THADA: variants seen among roughly 807,000 people sequenced by gnomAD.
The protein encoded by THADA is tRNA (32-2'-O)-methyltransferase regulator THADA.
THADA carries 213 observed loss-of-function variants against 219.8 expected under a neutral mutation model. The observed-to-expected ratio is 0.97, with a 90% CI of 0.87 to 1.09. THADA has a LOEUF of 1.09. THADA is among the 50% of genes least tolerant of loss of function. The pLI is 0.00. For missense variants in THADA, 2,956 were observed against 2,311.3 expected (o/e 1.28, Z -5.72); for synonymous variants, 1,018 against 828.9 (o/e 1.23, Z -3.92).
chr2:43,518,435 G>T (rs563153350), intron 22 of THADA, among the ~76,000 whole-genome samples: 1 of 152,200 alleles, frequency 6.6e-6, no homozygotes, highest in South Asian at 2.1e-4. Flanking sequence ...ATTCATACAA[G>T]AATATTTCCT....
At chr2:43,356,760 A>T (rs982808009) in intron 29 of THADA, among the ~76,000 whole-genome samples, 4 of 152,216 alleles carry the variant, frequency 2.6e-5, no homozygotes, top group African/African-American at 9.7e-5. Context: ...GTGAAAAAAT[A>T]AACATAAGTT....
intron 28 of THADA, among the ~76,000 whole-genome samples, chr2:43,412,999 T>C (rs1377394102): frequency 6.6e-6 from 1 of 152,120 alleles, no homozygotes; most frequent in Non-Finnish European, 1.5e-5. Flanking sequence ...ATGAGTTCAA[T>C]ACACACAGGG....
intron 36 of THADA, among the ~76,000 whole-genome samples, chr2:43,248,164 T>TATATATAG (rs1669412946): frequency 3.4e-4 from 14 of 40,938 alleles, no homozygotes; most frequent in South Asian, 1.1e-3. Context: ...TATATATATA[T>TATATATAG]AGAGAGAGAG....
intron 21 of THADA, among the ~76,000 whole-genome samples, chr2:43,537,832 C>G (rs1318572338): frequency 6.6e-6 from 1 of 150,846 alleles, no homozygotes; most frequent in Admixed American, 6.6e-5. Context: ...TAGCACACAC[C>G]TATAGTCCCA....
intron 16 of THADA, among the ~76,000 whole-genome samples, chr2:43,557,342 T>C (rs1035115982): frequency 1.3e-5 from 2 of 152,224 alleles, no homozygotes. Context: ...AGACTATCTT[T>C]ACTATTTCTA....
intron 29 of THADA, among the ~76,000 whole-genome samples, chr2:43,379,504 T>C (rs1291684561): frequency 2.0e-5 from 3 of 152,202 alleles, no homozygotes; most frequent in Non-Finnish European, 4.4e-5. Flanking sequence ...ACTGTAATAC[T>C]ACACACTTAC....
At chr2:43,564,724 C>A (rs1558981399) in intron 15 of THADA, 1 of 152,188 alleles carries the variant, frequency 6.6e-6, no homozygotes, top group Non-Finnish European at 1.5e-5. Context: ...TGGAACAAGC[C>A]AGTATCATCA....
In THADA at chr2:43,544,882, A is replaced by C. The variant is rs1418894225; in HGVS notation, c.3107-3566T>G. ...TACCCTTTATTTCCTTCTCCTGCCTAATTGCCCTGGCCAGAACTTCCAACA... is the reference window on the plus strand; with the variant it reads ...TACCCTTTATTTCCTTCTCCTGCCTCATTGCCCTGGCCAGAACTTCCAACA... On this transcript the variant is annotated intron_variant, in intron 20 of 37. Coordinates refer to ENST00000405975, the MANE Select transcript of THADA (RefSeq NM_022065.5). Among the ~76,000 whole-genome samples the C allele has an allele frequency of 4.0e-5, 6 of 149,296 alleles. No individual in the cohort carries two copies. In the East Asian group the frequency reaches 7.9e-4, roughly 20 times the overall value.
Position 43,556,373 on chromosome 2 carries a change from A to T in THADA, c.2646T>A (p.Ala882=), listed in dbSNP as rs1315588625. The change falls in exon 17 of 38, where the codon GCT becomes GCA. Residue 882 remains alanine (A), a synonymous_variant. Transcript: ENST00000405975. ...QVACDNGDRP[A]AVVERNTLMV... is the part of the protein sequence containing the mutation. ...TTAATGTGTTCCTTTCCACCACAGCAGCAGGCCTATCTCCATTATCACATG... is the reference window on the plus strand; with the variant it reads ...TTAATGTGTTCCTTTCCACCACAGCTGCAGGCCTATCTCCATTATCACATG... The T allele has an allele frequency of 6.2e-7, 1 of 1,613,930 alleles. No homozygotes were observed. The highest frequency in any genetic ancestry group is 8.5e-7 in the Non-Finnish European group (1 of 1,179,830).
At chr2:43,310,484 A>G (rs1435492481) in intron 31 of THADA, among the ~76,000 whole-genome samples, 1 of 152,184 alleles carries the variant, frequency 6.6e-6, no homozygotes, top group African/African-American at 2.4e-5. Flanking sequence ...TGACAATTCA[A>G]TGGGGAAAGG....
At chr2:43,541,982 G>A (rs1180765345) in intron 20 of THADA, among the ~76,000 whole-genome samples, 1 of 151,998 alleles carries the variant, frequency 6.6e-6, no homozygotes. Flanking sequence ...CATTAGTAAA[G>A]GAGTAGAATA....
At chr2:43,350,103 G>A (rs375707878) in intron 29 of THADA, among the ~76,000 whole-genome samples, 1 of 151,964 alleles carries the variant, frequency 6.6e-6, no homozygotes, top group Non-Finnish European at 1.5e-5. Context: ...TTTTTTTCTC[G>A]ACTCACTGGG....
At chr2:43,397,153 C>T (rs191950907) in intron 29 of THADA, among the ~76,000 whole-genome samples, 11 of 152,312 alleles carry the variant, frequency 7.2e-5, no homozygotes, top group Admixed American at 7.2e-4. Flanking sequence ...TTGTTAATCA[C>T]TCCACACACT....
intron 25 of THADA, among the ~76,000 whole-genome samples, chr2:43,490,270 C>A (rs1687464885): frequency 6.6e-6 from 1 of 152,138 alleles, no homozygotes; most frequent in Non-Finnish European, 1.5e-5. Context: ...TATTTAAGAT[C>A]ATGTCATCAG....
chr2:43,287,748 C>T (rs1674210026), intron 34 of THADA, among the ~76,000 whole-genome samples: 1 of 152,170 alleles, frequency 6.6e-6, no homozygotes, highest in Non-Finnish European at 1.5e-5. Context: ...AAAAGAACCC[C>T]AGATTCTTGG....
chr2:43,374,580 T>C (rs1234395415), intron 29 of THADA, among the ~76,000 whole-genome samples: 1 of 152,168 alleles, frequency 6.6e-6, no homozygotes, highest in Non-Finnish European at 1.5e-5. Context: ...AAGTACCCAC[T>C]GATAACAGCA....
chr2:43,575,029 T>C lies in THADA; in HGVS notation c.1038-2A>G. 1 of 1,589,214 alleles carries C rather than the reference T, an allele frequency of 6.3e-7. No homozygotes were observed. Among genetic ancestry groups the C allele is most frequent in the Non-Finnish European group, 8.6e-7 (1 of 1,169,450 alleles). ...ATTTCCAGCGTTGGCTCTTTAATCC[T>C]GAAGAAAAATGAGCCATGAGCCATT... On this transcript the variant is annotated splice_acceptor_variant, in intron 10 of 37. Transcript: ENST00000405975. LOFTEE classifies it high-confidence loss of function.
At chr2:43,593,738 A>G (rs1266605028) in intron 1 of THADA, among the ~76,000 whole-genome samples, 1 of 146,166 alleles carries the variant, frequency 6.8e-6, no homozygotes, top group Non-Finnish European at 1.5e-5. Context: ...GGTTCAGGCC[A>G]TTCTCCTGCC....
At chr2:43,566,629 C>T in intron 15 of THADA, 69 bp downstream of exon 15, 2 of 1,542,652 alleles carry the variant, frequency 1.3e-6, no homozygotes, top group Non-Finnish European at 1.8e-6. Context: ...TCAAATAAAG[C>T]AAAATGTAGA....
Sources: gnomAD v4.1 joint callset for allele counts (sites outside exome capture counted in the v4.1 genomes callset) on GRCh38, gnomAD v4.1.1 for gene constraint, MANE v1.5 for transcripts, NCBI Gene and HGNC (gene_info 2026-07-23, HGNC 2026-07-21) for gene names.